The following KIF13B variants were observed in gnomAD, a reference collection of about 807,000 sequenced individuals.
The protein encoded by KIF13B is kinesin-like protein KIF13B.
A neutral mutation model predicts 222.0 loss-of-function variants in KIF13B; 127 were observed. The observed-to-expected ratio is 0.57, with a 90% CI of 0.50 to 0.66. The LOEUF (loss-of-function observed/expected upper bound fraction) is 0.66. Ranked by LOEUF, KIF13B falls within the 30% of genes least tolerant of loss-of-function variation. The pLI, the probability that KIF13B is intolerant of heterozygous loss-of-function variation, is 0.00. For synonymous variants in KIF13B, 976 were observed against 919.0 expected (o/e 1.06, Z -1.12); for missense variants, 2,173 against 2,379.0 (o/e 0.91, Z 1.80).
At chr8:29,184,871 G>GA (rs1246142806) in intron 6 of KIF13B, among the ~76,000 whole-genome samples, 1 of 152,050 alleles carries the variant, frequency 6.6e-6, no homozygotes, top group African/African-American at 2.4e-5. Context: ...GCAGAACAAA[G>GA]AAAAAAATAT....
At position 29,134,210 on chromosome 8, in the gene KIF13B, C is replaced by T; in HGVS notation, c.2614G>A (p.Val872Ile). 6.2e-7 allele frequency: 1 copy of T among 1,612,386 alleles called. No individual in the cohort carries two copies. Among genetic ancestry groups the T allele is most frequent in the Non-Finnish European group, 8.5e-7 (1 of 1,179,402 alleles). The change falls in exon 22 of 40, where the codon GTT becomes ATT. Residue 872 changes from valine to isoleucine, a missense_variant and splice_region_variant. This residue lies in a region of KIF13B where 1,480 missense variants were observed against 1,722.8 expected (regional missense o/e 0.86). Coordinates refer to ENST00000524189, the MANE Select transcript of KIF13B (RefSeq NM_015254.4). ...ETQENKLVCM[V>I]KILQATGLPQ... ...AACCCAGTAGCTTGCAGGATTTTAA[C>T]CTGAAGGAAAAAGAAGGCTCTGTGT...
chr8:29,106,442 G>T (rs899091060), intron 35 of KIF13B, among the ~76,000 whole-genome samples: 2 of 151,990 alleles, frequency 1.3e-5, no homozygotes, highest in African/African-American at 4.8e-5. Context: ...GACCAGGCTG[G>T]CCAACATGGT....
chr8:29,085,685 T>A (rs1808012077), intron 37 of KIF13B, among the ~76,000 whole-genome samples: 1 of 150,066 alleles, frequency 6.7e-6, no homozygotes, highest in Non-Finnish European at 1.5e-5. Flanking sequence ...TTCCTGTTTT[T>A]AAGTAACAGA....
chr8:29,190,914 T>C (rs374866374), intron 4 of KIF13B, 83 bp downstream of exon 4: 144 of 1,046,634 alleles, frequency 1.4e-4, no homozygotes, highest in South Asian at 1.4e-3. Flanking sequence ...TTTGGGGGGT[T>C]TGCCAAGCAA....
At chr8:29,217,834 G>GT (rs1814561639) in intron 2 of KIF13B, among the ~76,000 whole-genome samples, 2 of 152,174 alleles carry the variant, frequency 1.3e-5, no homozygotes, top group South Asian at 4.1e-4. Flanking sequence ...CAATGTCATG[G>GT]TTTTTTCCAG....
chr8:29,173,060 A>G (rs1234247911), intron 10 of KIF13B, among the ~76,000 whole-genome samples: 1 of 151,906 alleles, frequency 6.6e-6, no homozygotes, highest in Non-Finnish European at 1.5e-5. Context: ...GATTACAGGC[A>G]TGCACCACCA....
intron 13 of KIF13B, among the ~76,000 whole-genome samples, chr8:29,156,342 C>A (rs576031345): frequency 3.4e-4 from 51 of 152,218 alleles, no homozygotes; most frequent in African/African-American, 1.1e-3. Context: ...GAGATTTGGC[C>A]TGTGAAAAGC....
At chr8:29,225,072 T>C (rs1814958926) in intron 2 of KIF13B, among the ~76,000 whole-genome samples, 1 of 152,182 alleles carries the variant, frequency 6.6e-6, no homozygotes, top group Admixed American at 6.5e-5. Flanking sequence ...TGTTATTCCT[T>C]ATTTAAGGTT....
intron 26 of KIF13B, among the ~76,000 whole-genome samples, chr8:29,126,077 ACT>A (rs1443653847): frequency 1.3e-5 from 2 of 151,260 alleles, no homozygotes; most frequent in Non-Finnish European, 2.9e-5. Flanking sequence ...ACAGGGTGAG[ACT>A]CTGTCACAAA....
intron 16 of KIF13B, 46 bp downstream of exon 16, chr8:29,148,531 T>G (rs762110152): frequency 6.9e-7 from 1 of 1,447,460 alleles, no homozygotes; most frequent in Admixed American, 2.2e-5. Context: ...CACCTCAGCC[T>G]CTACCAACTG....
At chr8:29,148,019 G>C (rs139935572) in intron 16 of KIF13B, among the ~76,000 whole-genome samples, 1 of 152,186 alleles carries the variant, frequency 6.6e-6, no homozygotes, top group Non-Finnish European at 1.5e-5. Flanking sequence ...CCGACATGGC[G>C]AAACCTTGTC....
intron 1 of KIF13B, among the ~76,000 whole-genome samples, chr8:29,250,736 T>C (rs573473915): frequency 6.6e-6 from 1 of 152,302 alleles, no homozygotes; most frequent in East Asian, 1.9e-4. Flanking sequence ...CTAGGACACA[T>C]GCCCAATCAA....
chr8:29,237,451 C>A (rs1815563703), intron 2 of KIF13B, among the ~76,000 whole-genome samples: 1 of 152,088 alleles, frequency 6.6e-6, no homozygotes, highest in Admixed American at 6.6e-5. Flanking sequence ...TAATCTAGAG[C>A]TGGCAACTAA....
intron 1 of KIF13B, among the ~76,000 whole-genome samples, chr8:29,249,243 C>T (rs953355859): frequency 6.6e-6 from 1 of 151,938 alleles, no homozygotes; most frequent in African/African-American, 2.4e-5. Flanking sequence ...GCCTGGCCAA[C>T]ATGGTGAAAC....
chr8:29,091,921 G>T (rs1182787514), intron 37 of KIF13B, among the ~76,000 whole-genome samples: 2 of 152,206 alleles, frequency 1.3e-5, no homozygotes, highest in Non-Finnish European at 2.9e-5. Flanking sequence ...ATGGCAGCCT[G>T]ATAAAACTAA....
chr8:29,087,507 A>T (rs1358081550), intron 37 of KIF13B, among the ~76,000 whole-genome samples: 2 of 152,236 alleles, frequency 1.3e-5, no homozygotes, highest in Non-Finnish European at 1.5e-5. Flanking sequence ...ATTAGACCAC[A>T]TAATAAAAGA....
At chr8:29,184,059 ATAAAG>A (rs1404078928) in intron 6 of KIF13B, among the ~76,000 whole-genome samples, 1 of 152,204 alleles carries the variant, frequency 6.6e-6, no homozygotes, top group African/African-American at 2.4e-5. Flanking sequence ...ATGTAACTGG[ATAAAG>A]TAGATATAGA....
intron 18 of KIF13B, among the ~76,000 whole-genome samples, chr8:29,144,705 G>A (rs1183507094): frequency 6.6e-6 from 1 of 152,178 alleles, no homozygotes; most frequent in African/African-American, 2.4e-5. Flanking sequence ...GGGCAATATG[G>A]TGCAGCTACC....
Position 29,176,050 on chromosome 8 carries a change from G to C in KIF13B, c.945+18C>G. On this transcript the variant is annotated intron_variant, in intron 10 of 39. Coordinates refer to ENST00000524189, the MANE Select transcript of KIF13B (RefSeq NM_015254.4). ...AACCACCAAAAGTATGCCAGGAAGG[G>C]AAAAAAAACAAACTTACTTTGAGCA... 3 of 1,488,610 alleles carry C rather than the reference G, an allele frequency of 2.0e-6. No homozygotes were observed. Among genetic ancestry groups the C allele is most frequent in the Non-Finnish European group, 2.8e-6 (3 of 1,068,716 alleles). 92.2% of individuals were successfully genotyped at this position (1,488,610 alleles called of 1,614,324 possible).
Sources: gnomAD v4.1 joint callset for allele counts (sites outside exome capture counted in the v4.1 genomes callset) on GRCh38, gnomAD v4.1.1 for gene constraint, gnomAD v4.1.1 regional missense constraint, MANE v1.5 for transcripts, NCBI Gene and HGNC (gene_info 2026-07-23, HGNC 2026-07-21) for gene names.